The following PHACTR2 variants were observed in gnomAD, a reference collection of about 807,000 sequenced individuals.
PHACTR2 encodes the protein chromosome 6 open reading frame 56.
A neutral mutation model predicts 76.0 loss-of-function variants in PHACTR2; 30 were observed. The ratio of observed to expected loss-of-function variants is 0.39; its 90% confidence interval spans 0.30 to 0.54. The LOEUF (loss-of-function observed/expected upper bound fraction) is 0.54, where lower values mean the gene tolerates loss of function less well. PHACTR2 is among the 20% of genes least tolerant of loss of function. The probability of loss-of-function intolerance (pLI) is 0.61; values close to 1 mark genes in which losing one functional copy is unlikely to be tolerated. For missense variants in PHACTR2, 696 were observed against 781.1 expected (o/e 0.89, Z 1.30); for synonymous variants, 292 against 292.5 (o/e 1.00, Z 0.02).
At position 143,654,882 on chromosome 6, in the gene PHACTR2, G is replaced by A. The variant is rs1776822577; in HGVS notation, c.13+46560G>A. ...CTCTTAAAAACATCATGCTAGCCGGGCACTGTGGCTCACGCCTGTAATCCC... is the reference window on the plus strand; with the variant it reads ...CTCTTAAAAACATCATGCTAGCCGGACACTGTGGCTCACGCCTGTAATCCC... On this transcript the variant is annotated intron_variant, in intron 1 of 11. Coordinates refer to the PHACTR2 transcript ENST00000305766. This position sits in a 1 kb window ranked among gnomAD's most constrained non-coding sequence, Gnocchi z 4.6. Among the ~76,000 whole-genome samples the A allele has an allele frequency of 6.6e-6, 1 of 151,704 alleles. No homozygotes were observed. Among genetic ancestry groups the A allele is most frequent in the African/African-American group, 2.4e-5 (1 of 41,288 alleles).
At chr6:143,600,003 T>A (rs1273549065) in intron 1 of PHACTR2, among the ~76,000 whole-genome samples, 1 of 152,248 alleles carries the variant, frequency 6.6e-6, no homozygotes, top group Non-Finnish European at 1.5e-5. Context: ...AGACTACCAG[T>A]TGGCAGCTCA....
In PHACTR2 at chr6:143,618,547, G is replaced by A. The variant is rs1317711234; in HGVS notation, c.13+10225G>A. The stretch of plus-strand genomic sequence containing the variant: ...TGTCAGAGGGTTTTAAACTCCAAAT[G>A]TTTATACAAGTGAAGCATCTAGTAT... On this transcript the variant is annotated intron_variant, in intron 1 of 11. Coordinates refer to the PHACTR2 transcript ENST00000305766. The surrounding 1 kb of genome is among the most constrained non-coding windows in gnomAD (Gnocchi z 5.2). 6.6e-6 allele frequency among the ~76,000 whole-genome samples: 1 copy of A among 151,866 alleles called. No homozygotes were observed. Among genetic ancestry groups the A allele is most frequent in the Admixed American group, 6.6e-5 (1 of 15,218 alleles).
chr6:143,631,023 T>A (rs1232344654), intron 1 of PHACTR2, among the ~76,000 whole-genome samples: 4 of 152,214 alleles, frequency 2.6e-5, no homozygotes, highest in Non-Finnish European at 5.9e-5. Context: ...AATACCAGCC[T>A]TCCTTGTTGG....
chr6:143,775,490 G>A lies in PHACTR2; in HGVS notation c.1589+1275G>A, dbSNP rs188147015. Among the ~76,000 whole-genome samples, 4 of 152,230 alleles carry A rather than the reference G, an allele frequency of 2.6e-5. No individual in the cohort carries two copies. The highest frequency in any genetic ancestry group is 7.2e-5 in the African/African-American group (3 of 41,540). On this transcript the variant is annotated intron_variant, in intron 8 of 12. Transcript: ENST00000440869. This position sits in a 1 kb window ranked among gnomAD's most constrained non-coding sequence, Gnocchi z 4.4. ...TGCCATCTTACCAAGGAAAAACAAG[G>A]GGCCTCTCTGAGGCCCAGAGAGATT...
At chr6:143,808,585 G>A (rs915702029) in intron 12 of PHACTR2, among the ~76,000 whole-genome samples, 1 of 152,136 alleles carries the variant, frequency 6.6e-6, no homozygotes. Flanking sequence ...AAGAGGATGG[G>A]TGTAGGTTGT....
intron 1 of PHACTR2, among the ~76,000 whole-genome samples, chr6:143,601,543 G>A (rs528246794): frequency 6.6e-6 from 1 of 152,270 alleles, no homozygotes; most frequent in Non-Finnish European, 1.5e-5. Flanking sequence ...TGGGTTAACT[G>A]GTTTTATTAG....
rs1776142829 is a variant in PHACTR2 at position 143,809,963 on chromosome 6, T to C, written c.1922+2830T>C. Among the ~76,000 whole-genome samples the C allele has an allele frequency of 6.6e-6, 1 of 151,920 alleles. No homozygotes were observed. The highest frequency in any genetic ancestry group is 1.5e-5 in the Non-Finnish European group (1 of 67,978). Reference sequence around the variant, plus strand: ...CTGTCTCTACTAAAAATACAAAAATTAGCTGAGCGTAGTGGCTCACAGCTG... The same window carrying C: ...CTGTCTCTACTAAAAATACAAAAATCAGCTGAGCGTAGTGGCTCACAGCTG... On this transcript the variant is annotated intron_variant, in intron 12 of 12. Coordinates refer to ENST00000440869, the MANE Select transcript of PHACTR2 (RefSeq NM_001100164.2). The surrounding 1 kb of genome is among the most constrained non-coding windows in gnomAD (Gnocchi z 4.2).
rs762519813 is a variant in PHACTR2 at position 143,570,119 on chromosome 6, A to T, written c.217+32912A>T. Among the ~76,000 whole-genome samples the T allele has an allele frequency of 3.9e-5, 6 of 152,204 alleles. No homozygotes were observed. Among genetic ancestry groups the T allele is most frequent in the Non-Finnish European group, 5.9e-5 (4 of 68,044 alleles). ...TCTCCTTATTCTCTGCTCTTAAGAG[A>T]TTCTGTTTCCCTTAAGTGTGTTAGG... On this transcript the variant is annotated intron_variant, in intron 1 of 11. Transcript: ENST00000367584. The surrounding 1 kb of genome is among the most constrained non-coding windows in gnomAD (Gnocchi z 4.6).
upstream of PHACTR2, among the ~76,000 whole-genome samples, chr6:143,673,290 A>G (rs1265662965): frequency 6.6e-6 from 1 of 151,694 alleles, no homozygotes; most frequent in Admixed American, 6.6e-5. Flanking sequence ...TGGAGTCAAC[A>G]TTCTATATTA....
At chr6:143,810,010 C>G (rs1776143667) in intron 12 of PHACTR2, among the ~76,000 whole-genome samples, 1 of 151,958 alleles carries the variant, frequency 6.6e-6, no homozygotes, top group Non-Finnish European at 1.5e-5. Flanking sequence ...ACTTGGTAGG[C>G]TGAGGTGGGA....
rs376903255 is a variant in PHACTR2, at chr6:143,765,657, C to T, written c.1091C>T (p.Pro364Leu). Residue 364 changes from proline to leucine, a missense_variant, in exon 6 of 13, where the codon CCA becomes CTA. Pro to Leu is a moderately conservative substitution (Grantham distance 98). Transcript: ENST00000440869. This position sits in a 1 kb window ranked among gnomAD's most constrained non-coding sequence, Gnocchi z 4.1. ...CAGTGCATTACTGCCTCAGACACTCCAGTTGTCCTCGTCAGCGTTGGAGCT... is the reference window on the plus strand; with the variant it reads ...CAGTGCATTACTGCCTCAGACACTCTAGTTGTCCTCGTCAGCGTTGGAGCT... The part of the protein sequence containing the change: ...EDQCITASDT[P>L]VVLVSVGADL... 8.6e-5 allele frequency: 139 copies of T among 1,614,204 alleles called. No homozygotes were observed. The highest frequency in any genetic ancestry group is 1.1e-4 in the Non-Finnish European group (124 of 1,180,024).
chr6:143,772,512 G>A lies in PHACTR2; in HGVS notation c.1432+55G>A. On this transcript the variant is annotated intron_variant, in intron 7 of 12. Transcript: ENST00000440869. The surrounding 1 kb of genome is among the most constrained non-coding windows in gnomAD (Gnocchi z 5.4). ...GCGTGGGTGATAAGCAGAAGCAGCT[G>A]CAGTTTATAAAGAATAAAAGCCTCA... The A allele has an allele frequency of 1.5e-6, 2 of 1,301,254 alleles. No homozygotes were observed. The highest frequency in any genetic ancestry group is 1.2e-5 in the South Asian group (1 of 80,490). 80.6% of individuals were successfully genotyped at this position (1,301,254 alleles called of 1,614,324 possible). A position where few individuals can be genotyped will look rare whatever the true frequency, so the allele number is the denominator to read the frequency against.
In PHACTR2 at chr6:143,772,264, A is replaced by G. The variant is rs1775171045; in HGVS notation, c.1239A>G (p.Thr413=). 1 of 1,613,072 alleles carries G rather than the reference A, an allele frequency of 6.2e-7. No individual in the cohort carries two copies. The highest frequency in any genetic ancestry group is 1.3e-5 in the African/African-American group (1 of 74,892). ...GCTTTTCTGCCTTTAACAGTTTCAC[A>G]ACCAAAGAGGAGCTGGGGAAGACAG... The part of the protein sequence containing the change: ...SVNRENAKCF[T]TKEELGKTVP... The change falls in exon 7 of 13, where the codon ACA becomes ACG. Residue 413 remains threonine, a synonymous_variant. Coordinates refer to ENST00000440869, the MANE Select transcript of PHACTR2 (RefSeq NM_001100164.2). This position sits in a 1 kb window ranked among gnomAD's most constrained non-coding sequence, Gnocchi z 5.4.
chr6:143,572,700 A>G (rs985516319), intron 1 of PHACTR2, among the ~76,000 whole-genome samples: 3 of 152,032 alleles, frequency 2.0e-5, no homozygotes, highest in Admixed American at 6.6e-5. Flanking sequence ...TTACAGGCAC[A>G]TGCCACCACA....
At chr6:143,728,895 A>G (rs1778637259) in intron 2 of PHACTR2, among the ~76,000 whole-genome samples, 1 of 152,210 alleles carries the variant, frequency 6.6e-6, no homozygotes, top group African/African-American at 2.4e-5. Flanking sequence ...AGAAGAAAAC[A>G]TAGGAGAAAC....
rs956019482 is a variant in PHACTR2, at chr6:143,780,818, C to A, written c.1646-2401C>A. Among the ~76,000 whole-genome samples the A allele has an allele frequency of 6.6e-6, 1 of 152,192 alleles. No individual in the cohort carries two copies. Among genetic ancestry groups the A allele is most frequent in the Admixed American group, 6.5e-5 (1 of 15,272 alleles). ...ACCACGTCACTTCCTTCATGCATAT[C>A]CCACCAGCCTGTTTAAATTGACCAG... On this transcript the variant is annotated intron_variant, in intron 9 of 12. Coordinates refer to ENST00000440869, the MANE Select transcript of PHACTR2 (RefSeq NM_001100164.2). The surrounding 1 kb of genome is among the most constrained non-coding windows in gnomAD (Gnocchi z 4.4).
chr6:143,726,819 G>A (rs1477599250), intron 2 of PHACTR2, among the ~76,000 whole-genome samples: 1 of 151,978 alleles, frequency 6.6e-6, no homozygotes, highest in East Asian at 1.9e-4. Context: ...CTTTTTTATT[G>A]ATACATAATA....
chr6:143,651,966 CA>C (rs1776770779), intron 1 of PHACTR2, among the ~76,000 whole-genome samples: 2 of 151,058 alleles, frequency 1.3e-5, no homozygotes, highest in Admixed American at 1.3e-4. Context: ...CAGCCACCTA[CA>C]AACCCAGAAG....
chr6:143,725,122 G>A (rs767499423), intron 2 of PHACTR2, among the ~76,000 whole-genome samples: 10 of 150,738 alleles, frequency 6.6e-5, no homozygotes, highest in Non-Finnish European at 1.0e-4. Flanking sequence ...TTTAATATAC[G>A]TATAGTTTTG....
Sources: gnomAD v4.1 joint callset for allele counts (sites outside exome capture counted in the v4.1 genomes callset) on GRCh38, gnomAD v4.1.1 for gene constraint, Gnocchi (gnomAD v3.1) non-coding constraint, MANE v1.5 for transcripts, NCBI Gene and HGNC (gene_info 2026-07-23, HGNC 2026-07-21) for gene names.